The following SPOCK3 variants were observed in gnomAD, a reference collection of about 807,000 sequenced individuals.
SPOCK3 encodes the protein SPARC (osteonectin), cwcv and kazal like domains proteoglycan 3.
A neutral mutation model predicts 56.6 loss-of-function variants in SPOCK3; 30 were observed. That is an observed-to-expected ratio of 0.53 (90% confidence interval 0.40 to 0.72). The LOEUF (loss-of-function observed/expected upper bound fraction) is 0.72, where lower values mean the gene tolerates loss of function less well. Among genes scored for constraint, SPOCK3 ranks in the 30% least tolerant of loss-of-function variants. SPOCK3 has a pLI of 0.00. For missense variants in SPOCK3, 527 were observed against 530.0 expected (o/e 0.99, Z 0.06); for synonymous variants, 196 against 183.3 (o/e 1.07, Z -0.56).
At chr4:166,844,085 C>G (rs1747797223) in intron 6 of SPOCK3, among the ~76,000 whole-genome samples, 1 of 152,192 alleles carries the variant, frequency 6.6e-6, no homozygotes, top group African/African-American at 2.4e-5. Context: ...TGAGCCAGCC[C>G]AGACTGAAAG....
chr4:167,044,392 G>A (rs1753526448), intron 3 of SPOCK3, among the ~76,000 whole-genome samples: 1 of 151,448 alleles, frequency 6.6e-6, no homozygotes, highest in South Asian at 2.1e-4. Flanking sequence ...CCAGTTTCTG[G>A]TTTTGTTGTC....
chr4:167,088,333 A>C (rs1262079832), intron 2 of SPOCK3, among the ~76,000 whole-genome samples: 1 of 152,148 alleles, frequency 6.6e-6, no homozygotes, highest in African/African-American at 2.4e-5. Context: ...TACCACACTG[A>C]GAATCACTGC....
At chr4:167,064,304 A>C (rs1011366977) in intron 2 of SPOCK3, among the ~76,000 whole-genome samples, 15 of 151,820 alleles carry the variant, frequency 9.9e-5, no homozygotes, top group Non-Finnish European at 5.9e-5. Flanking sequence ...AAATTATAGC[A>C]ATCTATACAC....
At chr4:167,211,761 T>C (rs1001958705) in intron 2 of SPOCK3, among the ~76,000 whole-genome samples, 2 of 152,222 alleles carry the variant, frequency 1.3e-5, no homozygotes, top group African/African-American at 4.8e-5. Context: ...GTCTCGGGTA[T>C]GTATTTATCA....
chr4:166,913,255 T>A (rs769256383), intron 4 of SPOCK3, among the ~76,000 whole-genome samples: 1 of 152,206 alleles, frequency 6.6e-6, no homozygotes, highest in Non-Finnish European at 1.5e-5. Flanking sequence ...GGTTTAGTGA[T>A]AACAAATCTC....
chr4:167,088,367 G>A (rs903122066), intron 2 of SPOCK3, among the ~76,000 whole-genome samples: 24 of 151,646 alleles, frequency 1.6e-4, no homozygotes, highest in Admixed American at 5.3e-4. Context: ...TCTTTTCTCA[G>A]AAACCTGGTG....
chr4:166,999,301 G>C (rs1229782320), intron 4 of SPOCK3, among the ~76,000 whole-genome samples: 2 of 152,096 alleles, frequency 1.3e-5, no homozygotes, highest in Non-Finnish European at 2.9e-5. Context: ...TAACATTGTG[G>C]AATAAAGACT....
chr4:167,023,542 G>T (rs1276308080), intron 3 of SPOCK3, among the ~76,000 whole-genome samples: 2 of 151,952 alleles, frequency 1.3e-5, no homozygotes, highest in African/African-American at 4.8e-5. Flanking sequence ...GGATGCCAGT[G>T]TAGGAAGCTA....
intron 6 of SPOCK3, among the ~76,000 whole-genome samples, chr4:166,806,567 A>C (rs1296855144): frequency 1.3e-5 from 2 of 151,670 alleles, no homozygotes; most frequent in East Asian, 1.9e-4. Flanking sequence ...TATAAAATGA[A>C]ATGTATTTTT....
intron 6 of SPOCK3, among the ~76,000 whole-genome samples, chr4:166,816,430 T>C (rs1045084444): frequency 1.3e-5 from 2 of 152,118 alleles, no homozygotes; most frequent in African/African-American, 4.8e-5. Context: ...TATGTATGTG[T>C]ACATTTTGGC....
At chr4:166,931,677 T>C (rs752465930) in intron 4 of SPOCK3, among the ~76,000 whole-genome samples, 1 of 152,212 alleles carries the variant, frequency 6.6e-6, no homozygotes, top group African/African-American at 2.4e-5. Context: ...GTTTAGAGCA[T>C]TCAATTTATA....
chr4:167,066,348 G>A (rs1271270280), intron 2 of SPOCK3, among the ~76,000 whole-genome samples: 2 of 151,756 alleles, frequency 1.3e-5, no homozygotes, highest in Non-Finnish European at 1.5e-5. Flanking sequence ...TGAGATACCG[G>A]TGGGGATACT....
At chr4:167,012,287 A>G (rs1482721865) in intron 3 of SPOCK3, among the ~76,000 whole-genome samples, 1 of 151,810 alleles carries the variant, frequency 6.6e-6, no homozygotes, top group Non-Finnish European at 1.5e-5. Flanking sequence ...GCAAACGTGT[A>G]ACTTTCCTCA....
rs565685693 is a variant in SPOCK3 at position 166,811,256 on chromosome 4, A to G, written c.590-18967T>C. Among the ~76,000 whole-genome samples the G allele has an allele frequency of 9.2e-4, 137 of 148,298 alleles. 1 individual carries two copies. In the Middle Eastern group the frequency reaches 0.018, roughly 20 times the overall value. On this transcript the variant is annotated intron_variant, in intron 6 of 10. Coordinates refer to ENST00000357545, the MANE Select transcript of SPOCK3 (RefSeq NM_001040159.2). ...TTCTTTTCTTTGTTTCTTGGGTTTAATTTGTTATTTTCTTTTAACTTCTTA... is the reference window on the plus strand; with the variant it reads ...TTCTTTTCTTTGTTTCTTGGGTTTAGTTTGTTATTTTCTTTTAACTTCTTA...
intron 2 of SPOCK3, among the ~76,000 whole-genome samples, chr4:167,109,959 C>T (rs900528856): frequency 6.6e-6 from 1 of 152,002 alleles, no homozygotes; most frequent in African/African-American, 2.4e-5. Flanking sequence ...ACTTTCTAGC[C>T]TTACTAGCCT....
chr4:166,841,282 A>G (rs1010222108), intron 6 of SPOCK3, among the ~76,000 whole-genome samples: 3 of 152,114 alleles, frequency 2.0e-5, no homozygotes, highest in African/African-American at 7.2e-5. Flanking sequence ...AATCATTTCC[A>G]TTTCTGTCTG....
chr4:167,084,082 G>T (rs939387633), intron 2 of SPOCK3, among the ~76,000 whole-genome samples: 15 of 151,992 alleles, frequency 9.9e-5, no homozygotes, highest in Non-Finnish European at 2.1e-4. Flanking sequence ...ATAATAATTA[G>T]TCTCAAATTT....
intron 6 of SPOCK3, among the ~76,000 whole-genome samples, chr4:166,846,399 G>A (rs928274252): frequency 6.6e-6 from 1 of 151,992 alleles, no homozygotes; most frequent in African/African-American, 2.4e-5. Flanking sequence ...TTTAGATATT[G>A]TAGATTAATA....
chr4:166,847,647 T>TTTTATA (rs369353581), intron 6 of SPOCK3, among the ~76,000 whole-genome samples: 2 of 55,368 alleles, frequency 3.6e-5, no homozygotes, highest in African/African-American at 5.1e-5. Flanking sequence ...AAATCCTAGT[T>TTTTATA]TATATATATA....
Sources: allele counts gnomAD v4.1 joint callset (sites outside exome capture counted in the v4.1 genomes callset), GRCh38; gene constraint gnomAD v4.1.1; transcripts MANE v1.5; gene names NCBI Gene and HGNC (gene_info 2026-07-23, HGNC 2026-07-21).